The following TBC1D22A variants were observed in gnomAD, a reference collection of about 807,000 sequenced individuals.
TBC1D22A encodes TBC1 domain family member 22A, also known as putative GTPase activator.
Under a neutral mutation model 60.2 loss-of-function variants are expected in TBC1D22A, and 38 were observed. The observed-to-expected ratio is 0.63, with a 90% CI of 0.49 to 0.83. The LOEUF (loss-of-function observed/expected upper bound fraction) is 0.83, where lower values mean the gene tolerates loss of function less well. TBC1D22A is among the 40% of genes least tolerant of loss of function. The pLI, the probability that TBC1D22A is intolerant of heterozygous loss-of-function variation, is 0.00. For synonymous variants in TBC1D22A, 302 were observed against 281.7 expected, an observed-to-expected ratio of 1.07 and a Z score of -0.72; for missense variants, 628 against 701.0, an observed-to-expected ratio of 0.90 and a Z score of 1.18.
intron 4 of TBC1D22A, among the ~76,000 whole-genome samples, chr22:46,809,752 G>A (rs565658974): frequency 6.6e-6 from 1 of 152,234 alleles, no homozygotes; most frequent in East Asian, 1.9e-4. Flanking sequence ...GCGTGATGAG[G>A]CCATCTGCGG....
intron 4 of TBC1D22A, among the ~76,000 whole-genome samples, chr22:46,863,957 C>T (rs2066930918): frequency 6.6e-6 from 1 of 152,172 alleles, no homozygotes; most frequent in Non-Finnish European, 1.5e-5. Context: ...TGTACAGAGG[C>T]CTCTCGAGTT....
chr22:47,013,976 T>G (rs1173596228), intron 10 of TBC1D22A, among the ~76,000 whole-genome samples: 2 of 152,206 alleles, frequency 1.3e-5, no homozygotes, highest in Admixed American at 6.5e-5. Context: ...GGTTTGACCC[T>G]CTGCCGAGCG....
intron 12 of TBC1D22A, among the ~76,000 whole-genome samples, 182 bp downstream of exon 12, chr22:47,111,785 C>T (rs1184048476): frequency 1.3e-5 from 2 of 150,974 alleles, no homozygotes; most frequent in Non-Finnish European, 2.9e-5. Flanking sequence ...GCAGTGGTCA[C>T]GTGGTCACAG....
At chr22:47,019,707 T>C (rs1198895409) in intron 10 of TBC1D22A, among the ~76,000 whole-genome samples, 1 of 151,860 alleles carries the variant, frequency 6.6e-6, no homozygotes, top group East Asian at 1.9e-4. Flanking sequence ...GTTTGGAAAG[T>C]GCTTTTCCCG....
chr22:47,011,008 C>T (rs2061738029), intron 10 of TBC1D22A, among the ~76,000 whole-genome samples: 2 of 152,162 alleles, frequency 1.3e-5, no homozygotes, highest in South Asian at 4.1e-4. Flanking sequence ...GGGCACTGTT[C>T]TCAGCTCTTT....
chr22:46,777,254 C>T lies in TBC1D22A; in HGVS notation c.62+14406C>T, dbSNP rs2083743633. Reference sequence around the variant, plus strand: ...GGACAGAGGGTTTTCGATGCCAGGACATGGGCCAGTGAGAGCCAGGGGCCG... The same window carrying T: ...GGACAGAGGGTTTTCGATGCCAGGATATGGGCCAGTGAGAGCCAGGGGCCG... On this transcript the variant is annotated intron_variant, in intron 1 of 12. Transcript: ENST00000337137. This position sits in a 1 kb window ranked among gnomAD's most constrained non-coding sequence, Gnocchi z 4.5. Among the ~76,000 whole-genome samples the T allele has an allele frequency of 9.0e-6, 1 of 110,648 alleles. No individual in the cohort carries two copies. The highest frequency in any genetic ancestry group is 2.1e-5 in the Non-Finnish European group (1 of 47,258). The allele number at this position is 110,648 out of a possible 152,430, so 72.6% of individuals were successfully genotyped here.
intron 8 of TBC1D22A, among the ~76,000 whole-genome samples, chr22:46,938,592 T>C (rs1314052556): frequency 6.6e-6 from 1 of 151,040 alleles, no homozygotes; most frequent in African/African-American, 2.4e-5. Flanking sequence ...TTTCTCTCTT[T>C]TTTTTTTTTT....
chr22:46,770,191 A>T (rs1326497240), intron 1 of TBC1D22A, among the ~76,000 whole-genome samples: 2 of 152,128 alleles, frequency 1.3e-5, no homozygotes, highest in African/African-American at 4.8e-5. Flanking sequence ...TTGCAGATGG[A>T]GGAGGCAGCC....
chr22:46,831,333 G>A (rs779733342), intron 4 of TBC1D22A, among the ~76,000 whole-genome samples: 5 of 151,956 alleles, frequency 3.3e-5, no homozygotes, highest in Non-Finnish European at 7.4e-5. Flanking sequence ...CCACTGTTTC[G>A]TTTAACGGTT....
In TBC1D22A at chr22:46,896,219, C is replaced by T. The variant is rs1274888768; in HGVS notation, c.900+1373C>T. Among the ~76,000 whole-genome samples, 4 of 152,092 alleles carry T rather than the reference C, an allele frequency of 2.6e-5. No homozygotes were observed. In the East Asian group the frequency reaches 7.7e-4, roughly 29 times the overall value. ...CCATTTTTCTTTTGGTTTGTCGATT[C>T]GCTCCTTTATTAGTTGTTGATCTTT... On this transcript the variant is annotated intron_variant, in intron 7 of 12. Transcript: ENST00000337137.
chr22:46,819,394 TGA>T (rs959482135), intron 4 of TBC1D22A, among the ~76,000 whole-genome samples: 27 of 152,234 alleles, frequency 1.8e-4, no homozygotes, highest in African/African-American at 6.0e-4. Context: ...CTTATTATTT[TGA>T]GATATGTTCC....
intron 4 of TBC1D22A, among the ~76,000 whole-genome samples, chr22:46,862,442 GCC>G (rs1357167754): frequency 6.6e-6 from 1 of 152,160 alleles, no homozygotes; most frequent in Non-Finnish European, 1.5e-5. Context: ...GCCTTCCTCA[GCC>G]CCCTCTTGCT....
Position 47,041,357 on chromosome 22 carries a change from T to G in TBC1D22A, c.1329+4159T>G, listed in dbSNP as rs536276821. Among the ~76,000 whole-genome samples, 43 of 152,246 alleles carry G rather than the reference T, an allele frequency of 2.8e-4. No individual in the cohort carries two copies. In the South Asian group the frequency reaches 8.1e-3, roughly 29 times the overall value. On this transcript the variant is annotated intron_variant, in intron 11 of 12. Transcript: ENST00000337137. ...TTCGGATCTGGTCATTCCTCTACCATTTGCTTCCTCTCCCGAGGGTCAGAG... is the reference window on the plus strand; with the variant it reads ...TTCGGATCTGGTCATTCCTCTACCAGTTGCTTCCTCTCCCGAGGGTCAGAG...
chr22:46,844,942 T>C (rs776988088), intron 4 of TBC1D22A, among the ~76,000 whole-genome samples: 4 of 152,156 alleles, frequency 2.6e-5, no homozygotes, highest in Non-Finnish European at 5.9e-5. Flanking sequence ...TAGTCAGATT[T>C]GGTTTCTAGG....
chr22:47,134,204 G>A (rs1321160451), intron 12 of TBC1D22A, among the ~76,000 whole-genome samples: 2 of 152,234 alleles, frequency 1.3e-5, no homozygotes, highest in Admixed American at 1.3e-4. Context: ...TATCCCATTG[G>A]TGGTGTTTGA....
At chr22:46,851,121 T>G (rs1390718364) in intron 4 of TBC1D22A, among the ~76,000 whole-genome samples, 1 of 152,148 alleles carries the variant, frequency 6.6e-6, no homozygotes, top group African/African-American at 2.4e-5. Flanking sequence ...TCCCACATGT[T>G]AAATTTGATG....
At chr22:46,954,968 C>A (rs999635568) in intron 8 of TBC1D22A, among the ~76,000 whole-genome samples, 1 of 152,020 alleles carries the variant, frequency 6.6e-6, no homozygotes, top group Non-Finnish European at 1.5e-5. Context: ...ATTTATAACC[C>A]ATGTCAGGAG....
chr22:47,000,637 T>C (rs1288267418), intron 10 of TBC1D22A, among the ~76,000 whole-genome samples: 1 of 152,132 alleles, frequency 6.6e-6, no homozygotes, highest in African/African-American at 2.4e-5. Context: ...GGAAGCCCCC[T>C]GTATCCTTCG....
At chr22:46,886,528 T>C (rs1311774214) in intron 5 of TBC1D22A, among the ~76,000 whole-genome samples, 2 of 152,248 alleles carry the variant, frequency 1.3e-5, no homozygotes, top group African/African-American at 4.8e-5. Context: ...AAATCACGCA[T>C]CGTGAACCTT....
Sources: allele counts gnomAD v4.1 joint callset (sites outside exome capture counted in the v4.1 genomes callset), GRCh38; gene constraint gnomAD v4.1.1; non-coding constraint Gnocchi (gnomAD v3.1); transcripts MANE v1.5; gene names NCBI Gene and HGNC (gene_info 2026-07-23, HGNC 2026-07-21).